Variants in PLEKHA7 observed in about 807,000 individuals in gnomAD.
The protein encoded by PLEKHA7 is pleckstrin homology domain-containing family A member 7.
PLEKHA7 carries 104 observed loss-of-function variants against 170.0 expected under a neutral mutation model. That is an observed-to-expected ratio of 0.61 (90% CI 0.52 to 0.72). The LOEUF (loss-of-function observed/expected upper bound fraction) is 0.72. Ranked by LOEUF, PLEKHA7 falls within the 30% of genes least tolerant of loss-of-function variation. The pLI is 0.00. For synonymous variants in PLEKHA7, 648 were observed against 660.8 expected, an observed-to-expected ratio of 0.98 and a Z score of 0.30; for missense variants, 1,615 against 1,671.7, an observed-to-expected ratio of 0.97 and a Z score of 0.59.
At position 16,790,544 on chromosome 11, in the gene PLEKHA7, A is replaced by C. The variant is rs113533595; in HGVS notation, c.3052+254T>G. The C allele has an allele frequency of 0.039, 18,985 of 492,016 alleles. 506 individuals are homozygous for C. The highest frequency in any genetic ancestry group is 0.073 in the Middle Eastern group (137 of 1,882). The allele number at this position is 492,016 out of a possible 1,614,324, so 30.5% of individuals were successfully genotyped here. On this transcript the variant is annotated intron_variant, in intron 21 of 26. Coordinates refer to ENST00000531066, the MANE Select transcript of PLEKHA7 (RefSeq NM_001329630.2). ...ATATCATGTCTATATAAAGTGCTTAAACAGTGCCAGGCTTTCTAGTAACTG... is the reference window on the plus strand; with the variant it reads ...ATATCATGTCTATATAAAGTGCTTACACAGTGCCAGGCTTTCTAGTAACTG...
In PLEKHA7 at chr11:16,786,359, TGCA is replaced by T. The variant is rs1303469946; in HGVS notation, c.3383_3385del (p.Leu1128del). The T allele has an allele frequency of 2.0e-6, 3 of 1,536,050 alleles. No homozygotes were observed. The African/African-American group carries it at 4.1e-5, about 21-fold the overall frequency. On this transcript the variant is annotated inframe_deletion, in exon 24 of 27. Transcript: ENST00000531066. ...CCCTTGCACGACCCGTTCCAGCAAC[TGCA>T]GGTCAAAGTCCTGCTCACGCTTCCA...
rs1853399700 is a variant in PLEKHA7 at position 16,855,847 on chromosome 11, T to C, written c.373A>G (p.Thr125Ala). 2 of 1,614,086 alleles carry C rather than the reference T, an allele frequency of 1.2e-6. No homozygotes were observed. The highest frequency in any genetic ancestry group is 4.5e-5 in the East Asian group (2 of 44,872). The change falls in exon 5 of 27, where the codon ACG (threonine) becomes GCG (alanine). Residue 125 changes from threonine (T) to alanine (A), a missense_variant. Physicochemically the swap from Thr to Ala is moderately conservative, Grantham distance 58. Coordinates refer to ENST00000531066, the MANE Select transcript of PLEKHA7 (RefSeq NM_001329630.2). ...RPSSMVSETS[T>A]AGTASTLEAK... The stretch of plus-strand genomic sequence containing the variant: ...TCCAGGGTGGAGGCGGTCCCAGCCG[T>C]GGATGTTTCACTGACCATGCTGGAC...
intron 24 of PLEKHA7, among the ~76,000 whole-genome samples, chr11:16,785,237 T>C (rs1355480590): frequency 1.3e-5 from 2 of 152,152 alleles, no homozygotes; most frequent in Admixed American, 1.3e-4. Flanking sequence ...AAGACACAGG[T>C]CCTCCTCAGT....
At chr11:16,975,107 C>T (rs1565171447) in intron 3 of PLEKHA7, 9 of 526,574 alleles carry the variant, frequency 1.7e-5, no homozygotes, top group Non-Finnish European at 2.5e-5. Context: ...CACATGCATA[C>T]ATTCATGTGT....
chr11:16,934,311 A>C (rs1860138400), intron 3 of PLEKHA7, among the ~76,000 whole-genome samples: 1 of 152,210 alleles, frequency 6.6e-6, no homozygotes, highest in Non-Finnish European at 1.5e-5. Flanking sequence ...CATTTCCAGA[A>C]AAATGCCAAC....
intron 3 of PLEKHA7, among the ~76,000 whole-genome samples, chr11:16,990,835 T>C (rs900063341): frequency 2.0e-5 from 3 of 152,222 alleles, no homozygotes; most frequent in Non-Finnish European, 4.4e-5. Context: ...GGGCACAGCT[T>C]AGCTGCAACT....
At position 16,816,203 on chromosome 11, in the gene PLEKHA7, C is replaced by A; in HGVS notation, c.1928G>T (p.Ser643Ile). The A allele has an allele frequency of 6.2e-7, 1 of 1,613,864 alleles. No homozygotes were observed. Among genetic ancestry groups the A allele is most frequent in the South Asian group, 1.1e-5 (1 of 91,070 alleles). The change falls in exon 12 of 27, where the codon AGC (serine) becomes ATC (isoleucine). Residue 643 changes from serine (S) to isoleucine (I), a missense_variant. Transcript: ENST00000531066. ...PSMGYMTHTV[S>I]APSLHGKSAD... The stretch of plus-strand genomic sequence containing the variant: ...CGATTTTCCATGTAAACTGGGAGCG[C>A]TGACGGTGTGGGTCATGTAACCCAT...
chr11:16,946,378 C>T (rs1314101686), intron 3 of PLEKHA7, among the ~76,000 whole-genome samples: 1 of 152,186 alleles, frequency 6.6e-6, no homozygotes, highest in Non-Finnish European at 1.5e-5. Flanking sequence ...CCCGAACGAA[C>T]GTGTGAAACC....
intron 3 of PLEKHA7, among the ~76,000 whole-genome samples, chr11:16,964,124 G>A (rs924013037): frequency 6.6e-6 from 1 of 152,204 alleles, no homozygotes; most frequent in Non-Finnish European, 1.5e-5. Flanking sequence ...AAGTTCCTCT[G>A]TGTTGTGGCA....
chr11:16,795,684 G>A (rs913369373), intron 17 of PLEKHA7, among the ~76,000 whole-genome samples: 2 of 151,656 alleles, frequency 1.3e-5, no homozygotes, highest in African/African-American at 4.8e-5. Flanking sequence ...AGCTACTTGG[G>A]AGGCTGAGGC....
At chr11:16,947,545 C>G (rs546602454) in intron 3 of PLEKHA7, among the ~76,000 whole-genome samples, 1 of 149,110 alleles carries the variant, frequency 6.7e-6, no homozygotes, top group Non-Finnish European at 1.5e-5. Flanking sequence ...GAGCTGAGAT[C>G]GCACCACTGC....
chr11:17,003,006 TTTTG>T (rs1864767940), intron 3 of PLEKHA7, among the ~76,000 whole-genome samples: 1 of 151,120 alleles, frequency 6.6e-6, no homozygotes. Context: ...TTTTTTTTTT[TTTTG>T]TGATGGAGTT....
chr11:16,901,566 T>C (rs1338434586), intron 3 of PLEKHA7, among the ~76,000 whole-genome samples: 1 of 152,164 alleles, frequency 6.6e-6, no homozygotes, highest in Non-Finnish European at 1.5e-5. Flanking sequence ...TGTCAAACAA[T>C]TCACTTAAAG....
intron 3 of PLEKHA7, among the ~76,000 whole-genome samples, chr11:16,942,523 A>G (rs1334702799): frequency 1.3e-5 from 2 of 152,230 alleles, no homozygotes; most frequent in Non-Finnish European, 2.9e-5. Flanking sequence ...GTTGCTGACG[A>G]GCTGACTCTG....
chr11:16,913,356 C>T (rs757326680), intron 3 of PLEKHA7, among the ~76,000 whole-genome samples: 1 of 152,134 alleles, frequency 6.6e-6, no homozygotes, highest in Non-Finnish European at 1.5e-5. Flanking sequence ...GATGCTGGCC[C>T]GCACAGCATG....
At chr11:16,974,058 A>C (rs1862894149) in intron 3 of PLEKHA7, among the ~76,000 whole-genome samples, 1 of 152,196 alleles carries the variant, frequency 6.6e-6, no homozygotes, top group African/African-American at 2.4e-5. Context: ...TATTTGTTTT[A>C]AACTTTTCAC....
intron 3 of PLEKHA7, among the ~76,000 whole-genome samples, chr11:16,973,032 ACC>A (rs1210932449): frequency 6.6e-6 from 1 of 152,034 alleles, no homozygotes; most frequent in Non-Finnish European, 1.5e-5. Flanking sequence ...TGAATCAAAG[ACC>A]CTCTGTTTCC....
intron 4 of PLEKHA7, among the ~76,000 whole-genome samples, chr11:16,863,052 T>C (rs1854096418): frequency 6.6e-6 from 1 of 152,082 alleles, no homozygotes. Flanking sequence ...CCCTCTCCAG[T>C]GCTCTAAATC....
chr11:16,779,068 G>GGCACGTCTGC, intron 26 of PLEKHA7, 48 bp from the exon 27 acceptor site: 1 of 702,310 alleles, frequency 1.4e-6, no homozygotes, highest in Non-Finnish European at 2.6e-6. Context: ...CCAGGGAGCA[G>GGCACGTCTGC]GCACGTCTGC....
Sources: gnomAD v4.1 joint callset for allele counts (sites outside exome capture counted in the v4.1 genomes callset) on GRCh38, gnomAD v4.1.1 for gene constraint, MANE v1.5 for transcripts, NCBI Gene and HGNC (gene_info 2026-07-23, HGNC 2026-07-21) for gene names.